ENPP2: variants seen among roughly 807,000 people sequenced by gnomAD.
The protein encoded by ENPP2 is ectonucleotide pyrophosphatase/phosphodiesterase 2, also known as autotaxin.
A neutral mutation model predicts 120.2 loss-of-function variants in ENPP2; 51 were observed. The ratio of observed to expected loss-of-function variants is 0.42; its 90% confidence interval spans 0.34 to 0.54. The LOEUF (loss-of-function observed/expected upper bound fraction) is 0.54, where lower values mean the gene tolerates loss of function less well. Ranked by LOEUF, ENPP2 falls within the 20% of genes least tolerant of loss-of-function variation. The probability of loss-of-function intolerance (pLI) is 0.04; values close to 1 mark genes in which losing one functional copy is unlikely to be tolerated. For missense variants in ENPP2, 920 were observed against 1,066.5 expected (o/e 0.86, Z 1.91); for synonymous variants, 365 against 366.4 (o/e 1.00, Z 0.04).
intron 5 of ENPP2, chr8:119,618,550 C>CT (rs57251299): frequency 0.029 from 7,957 of 276,568 alleles, 2 homozygotes; most frequent in South Asian, 0.043. Flanking sequence ...CCTTGGATGC[C>CT]TTTTTTTTTT....
intron 1 of ENPP2, among the ~76,000 whole-genome samples, chr8:119,670,608 G>C (rs1018561519): frequency 6.6e-6 from 1 of 152,156 alleles, no homozygotes; most frequent in Admixed American, 6.6e-5. Flanking sequence ...GGAAGCTCTG[G>C]GGGAACAAGA....
intron 8 of ENPP2, among the ~76,000 whole-genome samples, chr8:119,611,852 G>A (rs7012371): frequency 0.23 from 35,546 of 151,760 alleles, 4,554 homozygotes; most frequent in South Asian, 0.37. Context: ...ATAGTGAAAC[G>A]CCACTCTACT....
chr8:119,590,341 GA>G lies in ENPP2; in HGVS notation c.1207+163del, dbSNP rs1354857806. ...CATTTATCATCCCCATTTTTCAGAT[GA>G]AAAAACTGAGGCTTAGAGTCTAAAT... On this transcript the variant is annotated intron_variant, in intron 13 of 24. Coordinates refer to ENST00000075322, the MANE Select transcript of ENPP2 (RefSeq NM_001040092.3). Among the ~76,000 whole-genome samples the G allele has an allele frequency of 7.9e-5, 12 of 152,182 alleles. No homozygotes were observed. In the East Asian group the frequency reaches 2.3e-3, roughly 29 times the overall value.
At chr8:119,617,445 C>T in intron 6 of ENPP2, 21 bp downstream of exon 6, 1 of 1,516,094 alleles carries the variant, frequency 6.6e-7, no homozygotes, top group Non-Finnish European at 9.1e-7. Flanking sequence ...GATAAGAACA[C>T]AGAGTATGGA....
At chr8:119,666,144 CG>C (rs1818061995) in intron 1 of ENPP2, among the ~76,000 whole-genome samples, 2 of 152,094 alleles carry the variant, frequency 1.3e-5, no homozygotes, top group South Asian at 4.1e-4. Flanking sequence ...AGAATATAGA[CG>C]GGATATTCAT....
Position 119,617,483 on chromosome 8 carries a change from G to T in ENPP2, c.560C>A (p.Pro187His), listed in dbSNP as rs749870275. Residue 187 changes from proline to histidine, a missense_variant, in exon 6 of 25, where the codon CCT becomes CAT. Coordinates refer to ENST00000075322, the MANE Select transcript of ENPP2 (RefSeq NM_001040092.3). The part of the protein sequence containing the change: ...SYMKKGSKVM[P>H]NIEKLRSCGT... ...TTACTTACTTAGTTTTTCAATATTAGGCATGACTTTGCTGCCTTTCTTCAT... is the reference window on the plus strand; with the variant it reads ...TTACTTACTTAGTTTTTCAATATTATGCATGACTTTGCTGCCTTTCTTCAT... 29 of 1,609,586 alleles carry T rather than the reference G, an allele frequency of 1.8e-5. No individual in the cohort carries two copies. Among genetic ancestry groups the T allele is most frequent in the Non-Finnish European group, 2.4e-5 (28 of 1,176,378 alleles).
intron 16 of ENPP2, 50 bp from the exon 17 acceptor site, chr8:119,583,854 AC>A (rs1369335941): frequency 8.7e-6 from 12 of 1,386,872 alleles, no homozygotes; most frequent in Non-Finnish European, 1.1e-5. Context: ...TTAGGTAGGA[AC>A]CCTTCCTCTA....
intron 21 of ENPP2, 76 bp from the exon 22 acceptor site, chr8:119,568,328 G>T: frequency 5.0e-6 from 4 of 806,020 alleles, no homozygotes; most frequent in South Asian, 1.5e-5. Flanking sequence ...GGAGAGGGGG[G>T]TAGAATTTTC....
chr8:119,649,160 G>A (rs755998941), intron 1 of ENPP2, among the ~76,000 whole-genome samples: 1 of 151,804 alleles, frequency 6.6e-6, no homozygotes, highest in Non-Finnish European at 1.5e-5. Context: ...TTGGGAGGCG[G>A]AGGTGGGCGG....
chr8:119,577,952 T>G (rs1269452957), intron 19 of ENPP2, among the ~76,000 whole-genome samples: 2 of 152,214 alleles, frequency 1.3e-5, no homozygotes, highest in African/African-American at 4.8e-5. Context: ...TTACTAACTA[T>G]AGCTCCTTAT....
At chr8:119,635,761 A>G (rs1243976522) in intron 2 of ENPP2, among the ~76,000 whole-genome samples, 2 of 152,198 alleles carry the variant, frequency 1.3e-5, no homozygotes, top group East Asian at 1.9e-4. Flanking sequence ...ATGACCTGGT[A>G]TAAAAAATCC....
At chr8:119,638,687 G>T (rs1817156480) in intron 1 of ENPP2, 61 bp downstream of exon 1, 4 of 1,149,204 alleles carry the variant, frequency 3.5e-6, no homozygotes, top group Non-Finnish European at 5.3e-6. Flanking sequence ...AAAGGAAAAT[G>T]CCAATCAGTC....
intron 18 of ENPP2, 92 bp from the exon 19 acceptor site, chr8:119,580,259 A>T: frequency 1.0e-6 from 1 of 963,810 alleles, no homozygotes; most frequent in Admixed American, 1.8e-5. Context: ...CACCCTGCTA[A>T]ATTCAAAAGC....
Position 119,557,599 on chromosome 8 carries a change from GA to G in ENPP2, c.2513del (p.Phe838SerfsTer13). 1 of 1,612,844 alleles carries G rather than the reference GA, an allele frequency of 6.2e-7. No individual in the cohort carries two copies. Among genetic ancestry groups the G allele is most frequent in the Non-Finnish European group, 8.5e-7 (1 of 1,179,860 alleles). On this transcript the variant is annotated frameshift_variant, in exon 25 of 25. Transcript: ENST00000075322. LOFTEE classifies it high-confidence loss of function. ...RDIEHLTSLD[F>X]FRKTSRSYPE... is the part of the protein sequence containing the mutation. Reference sequence around the variant, plus strand: ...GGTAGCTGCGGCTGGTCTTTCGGAAGAAGTCCAGGCTGGTGAGATGTTCAAT... The same window carrying G: ...GGTAGCTGCGGCTGGTCTTTCGGAAGAGTCCAGGCTGGTGAGATGTTCAAT...
rs755222090 is a variant in ENPP2, at chr8:119,583,947, G to C, written c.1455+15C>G. The C allele has an allele frequency of 6.3e-7, 1 of 1,597,736 alleles. No individual in the cohort carries two copies. The highest frequency in any genetic ancestry group is 1.1e-5 in the South Asian group (1 of 90,694). On this transcript the variant is annotated intron_variant, in intron 16 of 24. Transcript: ENST00000075322. ...CACTAAAACACAATTTCAATTCACA[G>C]TTCTGCCATCATACCTGCATGCTGT...
chr8:119,575,332 G>A (rs1001472932), intron 19 of ENPP2, among the ~76,000 whole-genome samples: 5 of 152,004 alleles, frequency 3.3e-5, no homozygotes, highest in Admixed American at 1.3e-4. Context: ...GAGAGTGTAT[G>A]GGAAAGAAGA....
chr8:119,576,440 CTG>C (rs1486992697), intron 19 of ENPP2, among the ~76,000 whole-genome samples: 2 of 152,156 alleles, frequency 1.3e-5, no homozygotes, highest in Non-Finnish European at 2.9e-5. Context: ...CCGCACCCAG[CTG>C]TGTTTAAGTC....
At chr8:119,666,728 C>T (rs868240583) in intron 1 of ENPP2, among the ~76,000 whole-genome samples, 4 of 150,714 alleles carry the variant, frequency 2.7e-5, no homozygotes, top group Middle Eastern at 3.4e-3. Context: ...TGTGGTGAGC[C>T]GAGATCAGGC....
chr8:119,648,555 C>T (rs1438616343), intron 1 of ENPP2, among the ~76,000 whole-genome samples: 3 of 152,152 alleles, frequency 2.0e-5, no homozygotes, highest in Non-Finnish European at 2.9e-5. Flanking sequence ...GAATGTGTTT[C>T]GATTCAAATC....
Sources: gnomAD v4.1 joint callset for allele counts (sites outside exome capture counted in the v4.1 genomes callset) on GRCh38, gnomAD v4.1.1 for gene constraint, MANE v1.5 for transcripts, NCBI Gene and HGNC (gene_info 2026-07-23, HGNC 2026-07-21) for gene names.